VPS36: variants seen among roughly 807,000 people sequenced by gnomAD.
VPS36 encodes vacuolar protein sorting 36 homolog.
A neutral mutation model predicts 63.5 loss-of-function variants in VPS36; 31 were observed. The ratio of observed to expected loss-of-function variants is 0.49; its 90% CI spans 0.37 to 0.66. The LOEUF is 0.66. VPS36 is among the 30% of genes least tolerant of loss of function. The probability of loss-of-function intolerance (pLI) is 0.00; values close to 1 mark genes in which losing one functional copy is unlikely to be tolerated. For missense variants in VPS36, 338 were observed against 463.7 expected, an observed-to-expected ratio of 0.73 and a Z score of 2.49; for synonymous variants, 138 against 157.2, an observed-to-expected ratio of 0.88 and a Z score of 0.91.
Position 52,414,922 on chromosome 13 carries a change from G to T in VPS36, c.*908C>A, listed in dbSNP as rs570795361. The T allele has an allele frequency of 6.6e-6, 1 of 152,224 alleles. No individual in the cohort carries two copies. The highest frequency in any genetic ancestry group is 2.4e-5 in the African/African-American group (1 of 41,540). The allele number at this position is 152,224 out of a possible 1,614,324, so 9.4% of individuals were successfully genotyped here. On this transcript the variant is annotated 3_prime_UTR_variant, in exon 14 of 14. Coordinates refer to ENST00000378060, the MANE Select transcript of VPS36 (RefSeq NM_016075.4). ...TTTCCACACAACTTACAACATAAAGGACAAAGAAAAAATATTGCTGGAATA... is the reference window on the plus strand; with the variant it reads ...TTTCCACACAACTTACAACATAAAGTACAAAGAAAAAATATTGCTGGAATA...
At position 52,413,203 on chromosome 13, in the gene VPS36, G is replaced by A. The variant is rs1277545878; in HGVS notation, c.*2627C>T. 7.9e-5 allele frequency: 12 copies of A among 152,270 alleles called. No homozygotes were observed. The allele number at this position is 152,270 out of a possible 1,614,324, so 9.4% of individuals were successfully genotyped here. A position where few individuals can be genotyped will look rare whatever the true frequency, so the allele number is the denominator to read the frequency against. On this transcript the variant is annotated 3_prime_UTR_variant, in exon 14 of 14. Coordinates refer to ENST00000378060, the MANE Select transcript of VPS36 (RefSeq NM_016075.4). Reference sequence around the variant, plus strand: ...TTGAGTATGAGAAAGATGACAGGATGAATCCACATTCTCTCAGATTAATCT... The same window carrying A: ...TTGAGTATGAGAAAGATGACAGGATAAATCCACATTCTCTCAGATTAATCT...
intron 1 of VPS36, 112 bp downstream of exon 1, chr13:52,450,387 G>C: frequency 7.8e-7 from 1 of 1,286,418 alleles, no homozygotes; most frequent in South Asian, 2.1e-5. Context: ...GCCGAGGGCC[G>C]TGAGCTAAGC....
At chr13:52,431,723 ACTGCACTCCAGC>A (rs1464154380) in intron 6 of VPS36, among the ~76,000 whole-genome samples, 101 of 149,890 alleles carry the variant, frequency 6.7e-4, no homozygotes, top group Admixed American at 1.3e-3. Context: ...AAATAGCGGC[ACTGCACTCCAGC>A]CTAAGCGACA....
chr13:52,418,104 C>A, intron 10 of VPS36, 48 bp from the exon 11 acceptor site: 1 of 1,471,840 alleles, frequency 6.8e-7, no homozygotes, highest in Non-Finnish European at 9.4e-7. Flanking sequence ...GTAATGATCA[C>A]TAAAACAGAA....
At chr13:52,420,967 G>A (rs1958039730) in intron 10 of VPS36, among the ~76,000 whole-genome samples, 1 of 152,036 alleles carries the variant, frequency 6.6e-6, no homozygotes, top group Admixed American at 6.5e-5. Flanking sequence ...CTAAAAGTAT[G>A]AAAATTCTCC....
In VPS36 at chr13:52,434,901, C is replaced by T. The variant is rs1005898126; in HGVS notation, c.352-19G>A. ...TGTAAAACTGATACGCAAATAAATACACTTTAAATGACTCAGTCAGATTGT... is the reference window on the plus strand; with the variant it reads ...TGTAAAACTGATACGCAAATAAATATACTTTAAATGACTCAGTCAGATTGT... On this transcript the variant is annotated intron_variant, in intron 4 of 13. Transcript: ENST00000378060. 3.1e-6 allele frequency: 5 copies of T among 1,598,030 alleles called. No individual in the cohort carries two copies. In the South Asian group the frequency reaches 4.4e-5, roughly 14 times the overall value.
chr13:52,444,719 T>A (rs1041396556), intron 1 of VPS36, among the ~76,000 whole-genome samples: 4 of 151,772 alleles, frequency 2.6e-5, no homozygotes, highest in Admixed American at 1.3e-4. Context: ...ATATATAGCA[T>A]GACTCCACAC....
At chr13:52,439,373 A>C (rs1024752996) in intron 2 of VPS36, among the ~76,000 whole-genome samples, 5 of 152,244 alleles carry the variant, frequency 3.3e-5, no homozygotes, top group African/African-American at 1.2e-4. Flanking sequence ...ATGGAAGAAC[A>C]TAAGAAGTTT....
In VPS36 at chr13:52,423,886, TTC is replaced by T. The variant is rs1361712389; in HGVS notation, c.775-249_775-248del. 1.4e-4 allele frequency among the ~76,000 whole-genome samples: 22 copies of T among 152,190 alleles called. No homozygotes were observed. The South Asian group carries it at 4.4e-3, about 30-fold the overall frequency. On this transcript the variant is annotated intron_variant, in intron 9 of 13. Coordinates refer to ENST00000378060, the MANE Select transcript of VPS36 (RefSeq NM_016075.4). ...ATTTTTATTTTTTTTGAGATGGAGT[TTC>T]TCTCTGTCACCCAGGCCAGAGTGCA...
At chr13:52,442,489 A>C in intron 1 of VPS36, 44 bp from the exon 2 acceptor site, 1 of 1,537,574 alleles carries the variant, frequency 6.5e-7, no homozygotes, top group Non-Finnish European at 8.9e-7. Context: ...CATATCACTC[A>C]TTGTGGTTCC....
At chr13:52,417,902 C>G (rs368400947) in intron 11 of VPS36, 90 bp downstream of exon 11, 5 of 1,062,922 alleles carry the variant, frequency 4.7e-6, no homozygotes, top group Non-Finnish European at 7.0e-6. Flanking sequence ...TGGCTTGACA[C>G]TAGGGATGGC....
chr13:52,426,073 T>G lies in VPS36; in HGVS notation c.640-7A>C, dbSNP rs1181883096. 6.2e-7 allele frequency: 1 copy of G among 1,605,766 alleles called. No homozygotes were observed. The highest frequency in any genetic ancestry group is 1.7e-5 in the Admixed American group (1 of 57,330). ...AGGATTTAAACCTGATGGTCTATAA[T>G]AAAAAAGGAGAAAATGCAGAATTAG... On this transcript the variant is annotated splice_region_variant and splice_polypyrimidine_tract_variant and intron_variant, in intron 8 of 13. Transcript: ENST00000378060.
At chr13:52,420,460 G>A (rs1173316053) in intron 10 of VPS36, among the ~76,000 whole-genome samples, 1 of 151,422 alleles carries the variant, frequency 6.6e-6, no homozygotes, top group Non-Finnish European at 1.5e-5. Flanking sequence ...AGCCTCCCAA[G>A]TAGCTGGGAT....
In VPS36 at chr13:52,421,463, G is replaced by A. The variant is rs182766083; in HGVS notation, c.840+2111C>T. Among the ~76,000 whole-genome samples, 70 of 151,802 alleles carry A rather than the reference G, an allele frequency of 4.6e-4. 1 individual carries two copies. In the East Asian group the frequency reaches 0.01, roughly 23 times the overall value. On this transcript the variant is annotated intron_variant, in intron 10 of 13. Transcript: ENST00000378060. Reference sequence around the variant, plus strand: ...ATGAGTTCTGCTGCTATATTACACAGGGTGACTAGATAATGGCAATGCAGT... The same window carrying A: ...ATGAGTTCTGCTGCTATATTACACAAGGTGACTAGATAATGGCAATGCAGT...
At chr13:52,445,638 C>CAAAAAAAAAAAAAAA (rs1260034533) in intron 1 of VPS36, among the ~76,000 whole-genome samples, 27 of 36,778 alleles carry the variant, frequency 7.3e-4, no homozygotes, top group African/African-American at 2.8e-3. Context: ...GACTCCGTCT[C>CAAAAAAAAAAAAAAA]AAAAAAAAAA....
chr13:52,434,957 T>G, intron 4 of VPS36, 75 bp from the exon 5 acceptor site: 1 of 1,347,604 alleles, frequency 7.4e-7, no homozygotes, highest in Admixed American at 2.3e-5. Context: ...TACTTAACAT[T>G]TCTTTCTTTT....
rs1045048734 is a variant in VPS36 at position 52,414,296 on chromosome 13, G to A, written c.*1534C>T. On this transcript the variant is annotated 3_prime_UTR_variant, in exon 14 of 14. Coordinates refer to ENST00000378060, the MANE Select transcript of VPS36 (RefSeq NM_016075.4). ...ACAATGGTCCAACTAACCCCTAAAA[G>A]ACTTGGGCAGTCAGACACTGAGTTA... The A allele has an allele frequency of 6.6e-6, 1 of 152,162 alleles. No homozygotes were observed. Among genetic ancestry groups the A allele is most frequent in the African/African-American group, 2.4e-5 (1 of 41,434 alleles). The allele number at this position is 152,162 out of a possible 1,614,324, so 9.4% of individuals were successfully genotyped here.
chr13:52,427,330 G>A (rs1039249782), intron 6 of VPS36, 111 bp from the exon 7 acceptor site: 4 of 1,142,662 alleles, frequency 3.5e-6, no homozygotes, highest in Non-Finnish European at 5.1e-6. Flanking sequence ...TTTCAGCCGG[G>A]CGCAGTGGCT....
In VPS36 at chr13:52,427,606, CAA is replaced by C. The variant is rs761470811; in HGVS notation, c.529-389_529-388del. Among the ~76,000 whole-genome samples the C allele has an allele frequency of 2.3e-4, 25 of 106,892 alleles. 1 individual carries two copies. Among genetic ancestry groups the C allele is most frequent in the South Asian group, 2.0e-3 (7 of 3,528 alleles). 70.1% of individuals were successfully genotyped at this position (106,892 alleles called of 152,430 possible). A position where few individuals can be genotyped will look rare whatever the true frequency, so the allele number is the denominator to read the frequency against. On this transcript the variant is annotated intron_variant, in intron 6 of 13. Coordinates refer to ENST00000378060, the MANE Select transcript of VPS36 (RefSeq NM_016075.4). ...TGGGCGACAAAGCAAGATTCTGTCTCAAAAAAAAAAAAAAAATTTAAATTTTC... is the reference window on the plus strand; with the variant it reads ...TGGGCGACAAAGCAAGATTCTGTCTCAAAAAAAAAAAAAATTTAAATTTTC...
Sources: gnomAD v4.1 joint callset for allele counts (sites outside exome capture counted in the v4.1 genomes callset) on GRCh38, gnomAD v4.1.1 for gene constraint, MANE v1.5 for transcripts, NCBI Gene and HGNC (gene_info 2026-07-23, HGNC 2026-07-21) for gene names.